Variants in CNTN3 observed in about 807,000 individuals in gnomAD.
CNTN3 encodes contactin 3, also known as contactin-3.
In CNTN3, 60 loss-of-function variants were observed where a neutral mutation model predicts 119.1. The observed-to-expected ratio is 0.50, with a 90% CI of 0.41 to 0.62. The LOEUF (loss-of-function observed/expected upper bound fraction) is 0.62. Ranked by LOEUF, CNTN3 falls within the 20% of genes least tolerant of loss-of-function variation. The pLI is 0.00. For missense variants in CNTN3, 1,101 were observed against 1,242.4 expected (o/e 0.89, Z 1.71); for synonymous variants, 450 against 438.7 (o/e 1.03, Z -0.32).
At chr3:74,441,022 A>C (rs112276311) in intron 4 of CNTN3, among the ~76,000 whole-genome samples, 5 of 152,074 alleles carry the variant, frequency 3.3e-5, no homozygotes, top group African/African-American at 1.2e-4. Context: ...TTTACCCCTA[A>C]CTTTAACATT....
chr3:74,264,234 C>T lies in CNTN3; in HGVS notation c.*167G>A. 1 of 428,292 alleles carries T rather than the reference C, an allele frequency of 2.3e-6. No homozygotes were observed. The highest frequency in any genetic ancestry group is 2.0e-5 in the African/African-American group (1 of 48,796). The allele number at this position is 428,292 out of a possible 1,614,324, so 26.5% of individuals were successfully genotyped here. A position where few individuals can be genotyped will look rare whatever the true frequency, so the allele number is the denominator to read the frequency against. ...AGTTAATATTAAGGCATTTCAGATT[C>T]CCCTAAAAGGATTTACTGTTTTTTT... On this transcript the variant is annotated 3_prime_UTR_variant, in exon 23 of 23. Coordinates refer to ENST00000263665, the MANE Select transcript of CNTN3 (RefSeq NM_020872.3).
intron 3 of CNTN3, among the ~76,000 whole-genome samples, chr3:74,496,264 C>T (rs1194806028): frequency 1.3e-5 from 2 of 152,050 alleles, no homozygotes; most frequent in East Asian, 1.9e-4. Flanking sequence ...AAAAGAAAAA[C>T]AGAGTTAACA....
intron 5 of CNTN3, among the ~76,000 whole-genome samples, chr3:74,411,367 C>G (rs952520530): frequency 6.6e-6 from 1 of 152,074 alleles, no homozygotes; most frequent in African/African-American, 2.4e-5. Context: ...GCTAGGTCAG[C>G]GCTTCCTGAA....
At chr3:74,376,457 T>A (rs949308360) in intron 5 of CNTN3, among the ~76,000 whole-genome samples, 2 of 152,150 alleles carry the variant, frequency 1.3e-5, no homozygotes, top group East Asian at 3.9e-4. Context: ...GAACCGAACA[T>A]GTGAGGGATC....
At chr3:74,533,725 TG>T (rs373813548) in intron 1 of CNTN3, among the ~76,000 whole-genome samples, 168 of 152,100 alleles carry the variant, frequency 1.1e-3, no homozygotes, top group Non-Finnish European at 2.2e-3. Context: ...TCTGAAGCTT[TG>T]TATTTTTGTT....
chr3:74,265,656 T>C (rs895751381), intron 22 of CNTN3, among the ~76,000 whole-genome samples: 8 of 152,160 alleles, frequency 5.3e-5, no homozygotes, highest in Non-Finnish European at 1.0e-4. Context: ...TCTCTAAGTT[T>C]TCTATTTCCG....
At chr3:74,395,667 G>T (rs1251275697) in intron 5 of CNTN3, among the ~76,000 whole-genome samples, 2 of 152,150 alleles carry the variant, frequency 1.3e-5, no homozygotes, top group Non-Finnish European at 2.9e-5. Context: ...AGTAAAATGT[G>T]AAAATAAAAA....
chr3:74,439,606 G>C (rs1335505336), intron 4 of CNTN3, among the ~76,000 whole-genome samples: 1 of 152,156 alleles, frequency 6.6e-6, no homozygotes, highest in Non-Finnish European at 1.5e-5. Context: ...AAGGACAAGA[G>C]AGATTAGGTT....
chr3:74,474,013 A>T (rs1263097325), intron 4 of CNTN3, among the ~76,000 whole-genome samples: 1 of 152,122 alleles, frequency 6.6e-6, no homozygotes, highest in Non-Finnish European at 1.5e-5. Context: ...TATAGGAAAC[A>T]TTCTAGTTGT....
chr3:74,458,968 C>G (rs1279461651), intron 4 of CNTN3, among the ~76,000 whole-genome samples: 4 of 151,988 alleles, frequency 2.6e-5, no homozygotes, highest in Non-Finnish European at 5.9e-5. Flanking sequence ...GATTCTTAGT[C>G]TCAATTTAGG....
chr3:74,356,830 T>G (rs912423927), intron 11 of CNTN3, among the ~76,000 whole-genome samples: 4 of 152,162 alleles, frequency 2.6e-5, no homozygotes, highest in African/African-American at 9.7e-5. Context: ...GGTGCCTCAC[T>G]GACTGAGATC....
chr3:74,301,812 A>C lies in CNTN3; in HGVS notation c.1787-7T>G. On this transcript the variant is annotated splice_polypyrimidine_tract_variant and splice_region_variant and intron_variant, in intron 14 of 22. Coordinates refer to ENST00000263665, the MANE Select transcript of CNTN3 (RefSeq NM_020872.3). ...TCTGGTGGTCCAGGTGAACCTAAGGAAGGCACAAATGGAAACATTGAGTAG... is the reference window on the plus strand; with the variant it reads ...TCTGGTGGTCCAGGTGAACCTAAGGCAGGCACAAATGGAAACATTGAGTAG... 1 of 1,613,510 alleles carries C rather than the reference A, an allele frequency of 6.2e-7. No individual in the cohort carries two copies. The highest frequency in any genetic ancestry group is 8.5e-7 in the Non-Finnish European group (1 of 1,179,658).
At chr3:74,418,468 A>G (rs1186424218) in intron 5 of CNTN3, among the ~76,000 whole-genome samples, 4 of 149,702 alleles carry the variant, frequency 2.7e-5, no homozygotes, top group Admixed American at 6.8e-5. Context: ...CAGATTCCCA[A>G]ATAGCTGGGA....
chr3:74,322,646 T>C (rs1012279275), intron 13 of CNTN3, among the ~76,000 whole-genome samples: 33 of 152,188 alleles, frequency 2.2e-4, no homozygotes. Flanking sequence ...TCTTTGGTAC[T>C]TACCAAAATG....
intron 4 of CNTN3, among the ~76,000 whole-genome samples, chr3:74,452,781 T>G (rs2106952951): frequency 6.6e-6 from 1 of 151,236 alleles, no homozygotes; most frequent in South Asian, 2.1e-4. Flanking sequence ...AATCATGTGG[T>G]TTTTGTCTTT....
chr3:74,429,502 C>T (rs991803692), intron 4 of CNTN3, among the ~76,000 whole-genome samples: 4 of 151,264 alleles, frequency 2.6e-5, no homozygotes, highest in East Asian at 3.9e-4. Flanking sequence ...AGACCACAAA[C>T]GTAAATGTAA....
At chr3:74,418,311 A>G (rs1701558440) in intron 5 of CNTN3, among the ~76,000 whole-genome samples, 1 of 145,324 alleles carries the variant, frequency 6.9e-6, no homozygotes, top group African/African-American at 2.5e-5. Context: ...TACAAACATG[A>G]GCCACCATGT....
chr3:74,439,678 A>C (rs1484722973), intron 4 of CNTN3, among the ~76,000 whole-genome samples: 1 of 152,186 alleles, frequency 6.6e-6, no homozygotes, highest in Non-Finnish European at 1.5e-5. Flanking sequence ...TTCTCTTTCT[A>C]ACAGGGAGAA....
chr3:74,540,970 C>CA (rs1242766342), intron 1 of CNTN3, among the ~76,000 whole-genome samples: 1 of 151,996 alleles, frequency 6.6e-6, no homozygotes, highest in Non-Finnish European at 1.5e-5. Context: ...TTTAGTAATA[C>CA]AAAACCACTG....
Sources: gnomAD v4.1 joint callset for allele counts (sites outside exome capture counted in the v4.1 genomes callset) on GRCh38, gnomAD v4.1.1 for gene constraint, MANE v1.5 for transcripts, NCBI Gene and HGNC (gene_info 2026-07-23, HGNC 2026-07-21) for gene names.